Variants in NTRK3 observed in about 807,000 individuals in gnomAD.
NTRK3 encodes the protein neurotrophic receptor tyrosine kinase 3.
Under a neutral mutation model 91.7 loss-of-function variants are expected in NTRK3, and 24 were observed. The observed-to-expected ratio is 0.26, with a 90% CI of 0.19 to 0.37. NTRK3 has a LOEUF of 0.37. Among genes scored for constraint, NTRK3 ranks in the 10% least tolerant of loss-of-function variants. NTRK3 has a pLI of 1.00. For missense variants in NTRK3, 880 were observed against 1,068.9 expected (o/e 0.82, Z 2.46); for synonymous variants, 483 against 404.0 (o/e 1.20, Z -2.34).
chr15:88,253,564 A>G (rs1438624178), intron 3 of NTRK3: 1 of 152,306 alleles, frequency 6.6e-6, no homozygotes, highest in Non-Finnish European at 1.5e-5. Context: ...AATACCAGCC[A>G]TAGATATAAC....
At chr15:88,252,007 G>A (rs764175418) in intron 3 of NTRK3, among the ~76,000 whole-genome samples, 12 of 152,092 alleles carry the variant, frequency 7.9e-5, no homozygotes, top group Non-Finnish European at 1.3e-4. Context: ...AGGGGGTCTT[G>A]GCTCTGGAGC....
chr15:88,211,362 A>G (rs536700103), intron 3 of NTRK3, among the ~76,000 whole-genome samples: 13 of 152,354 alleles, frequency 8.5e-5, no homozygotes, highest in Non-Finnish European at 1.9e-4. Context: ...TTTATGGCTG[A>G]ATAATAGGCC....
chr15:87,881,645 T>C (rs2065261582), intron 17 of NTRK3, among the ~76,000 whole-genome samples: 1 of 152,042 alleles, frequency 6.6e-6, no homozygotes, highest in African/African-American at 2.4e-5. Flanking sequence ...GGTCTCGATC[T>C]TCTGACCTCG....
chr15:87,963,672 T>C (rs2141219784), intron 14 of NTRK3, among the ~76,000 whole-genome samples: 1 of 152,300 alleles, frequency 6.6e-6, no homozygotes, highest in South Asian at 2.1e-4. Context: ...CGATGATGGT[T>C]GGTAAGTTAG....
chr15:88,032,124 T>C (rs1207192701), intron 14 of NTRK3, among the ~76,000 whole-genome samples: 1 of 152,052 alleles, frequency 6.6e-6, no homozygotes, highest in Non-Finnish European at 1.5e-5. Flanking sequence ...GCTTGGGTGT[T>C]GCTGGGCCCA....
chr15:88,248,671 C>A (rs1025988210), intron 3 of NTRK3, among the ~76,000 whole-genome samples: 7 of 151,976 alleles, frequency 4.6e-5, no homozygotes, highest in Admixed American at 2.0e-4. Flanking sequence ...GAGTTAAGTT[C>A]CTTCTCTGCA....
chr15:87,970,225 C>G (rs1018001341), intron 14 of NTRK3, among the ~76,000 whole-genome samples: 1 of 152,208 alleles, frequency 6.6e-6, no homozygotes, highest in Non-Finnish European at 1.5e-5. Context: ...GTCACCTCCA[C>G]CAGCCTGGGC....
At chr15:87,886,042 G>C (rs889650788) in intron 17 of NTRK3, among the ~76,000 whole-genome samples, 6 of 151,682 alleles carry the variant, frequency 4.0e-5, no homozygotes, top group African/African-American at 1.5e-4. Flanking sequence ...ATGAATACAG[G>C]GTAAGAACAG....
chr15:88,207,060 T>C (rs972999992), intron 3 of NTRK3, among the ~76,000 whole-genome samples: 1 of 152,188 alleles, frequency 6.6e-6, no homozygotes, highest in Non-Finnish European at 1.5e-5. Context: ...GTCACTGGCT[T>C]AGCGTCTAGC....
intron 13 of NTRK3, among the ~76,000 whole-genome samples, chr15:88,117,596 G>A (rs2151029483): frequency 6.6e-6 from 1 of 152,312 alleles, no homozygotes; most frequent in Admixed American, 6.5e-5. Flanking sequence ...ACCTTAGCTT[G>A]GAATTTAATG....
At chr15:88,176,665 T>A (rs1002374575) in intron 5 of NTRK3, among the ~76,000 whole-genome samples, 3 of 152,180 alleles carry the variant, frequency 2.0e-5, no homozygotes, top group African/African-American at 7.2e-5. Flanking sequence ...CAGAAAATGA[T>A]CAAGTCAGAC....
At chr15:87,993,120 G>T (rs564074451) in intron 14 of NTRK3, among the ~76,000 whole-genome samples, 1 of 152,272 alleles carries the variant, frequency 6.6e-6, no homozygotes, top group African/African-American at 2.4e-5. Context: ...ACCCTGACTT[G>T]GCCATATGGC....
At chr15:88,131,225 C>A (rs1210669590) in intron 10 of NTRK3, among the ~76,000 whole-genome samples, 1 of 152,152 alleles carries the variant, frequency 6.6e-6, no homozygotes, top group Non-Finnish European at 1.5e-5. Context: ...CTGCCTCAGC[C>A]CACCATGCCC....
At chr15:88,207,882 C>T (rs943962516) in intron 3 of NTRK3, among the ~76,000 whole-genome samples, 2 of 152,232 alleles carry the variant, frequency 1.3e-5, no homozygotes, top group Non-Finnish European at 2.9e-5. Context: ...TTAAAAGCCA[C>T]TGCTCCTGTG....
chr15:88,128,001 AT>A (rs1201141060), intron 11 of NTRK3, among the ~76,000 whole-genome samples: 4 of 152,220 alleles, frequency 2.6e-5, no homozygotes, highest in African/African-American at 7.2e-5. Context: ...AATCACAGAT[AT>A]TGACATCAGT....
At position 88,073,244 on chromosome 15, in the gene NTRK3, CG is replaced by C. The variant is rs1427109469; in HGVS notation, c.1397-40200del. 4.6e-5 allele frequency among the ~76,000 whole-genome samples: 7 copies of C among 152,320 alleles called. No individual in the cohort carries two copies. The East Asian group carries it at 1.4e-3, about 29-fold the overall frequency. ...GAGAAACTCTGGGGCAGGGGCCCAG[CG>C]ATCTGCCTGTTAACAAGCCCTCTGT... is the stretch of plus-strand genomic sequence containing the variant. On this transcript the variant is annotated intron_variant, in intron 13 of 18. Transcript: ENST00000394480.
intron 18 of NTRK3, among the ~76,000 whole-genome samples, chr15:87,879,897 C>G (rs1596060355): frequency 6.6e-6 from 1 of 152,166 alleles, no homozygotes; most frequent in East Asian, 1.9e-4. Flanking sequence ...CTTTGTGCAC[C>G]CAGATTATGT....
At chr15:87,893,564 G>A (rs2065953987) in intron 17 of NTRK3, among the ~76,000 whole-genome samples, 1 of 152,154 alleles carries the variant, frequency 6.6e-6, no homozygotes, top group Non-Finnish European at 1.5e-5. Context: ...TCCATTGAGT[G>A]ACTGCAACTT....
At chr15:88,095,384 C>T (rs757866609) in intron 13 of NTRK3, among the ~76,000 whole-genome samples, 1 of 152,152 alleles carries the variant, frequency 6.6e-6, no homozygotes, top group Non-Finnish European at 1.5e-5. Flanking sequence ...TGACCCAACC[C>T]TTCCTAGAGT....
Sources: allele counts gnomAD v4.1 joint callset (sites outside exome capture counted in the v4.1 genomes callset), GRCh38; gene constraint gnomAD v4.1.1; transcripts MANE v1.5; gene names NCBI Gene and HGNC (gene_info 2026-07-23, HGNC 2026-07-21).